DAZL: variants seen among roughly 807,000 people sequenced by gnomAD.
DAZL encodes the protein deleted in azoospermia-like.
Under a neutral mutation model 45.0 loss-of-function variants are expected in DAZL, and 4 were observed. That is an observed-to-expected ratio of 0.09 (90% CI 0.04 to 0.20). The LOEUF (loss-of-function observed/expected upper bound fraction) is 0.20. Ranked by LOEUF, DAZL falls within the 10% of genes least tolerant of loss-of-function variation. The pLI is 1.00. For missense variants in DAZL, 326 were observed against 351.3 expected (o/e 0.93, Z 0.58); for synonymous variants, 122 against 112.4 (o/e 1.09, Z -0.54).
At position 16,598,525 on chromosome 3, in the gene DAZL, G is replaced by C; in HGVS notation, c.77C>G (p.Thr26Ser). 2 of 1,606,848 alleles carry C rather than the reference G, an allele frequency of 1.2e-6. No individual in the cohort carries two copies. Among genetic ancestry groups the C allele is most frequent in the Non-Finnish European group, 1.7e-6 (2 of 1,179,202 alleles). The change falls in exon 2 of 11, where the codon ACC becomes AGC. Residue 26 changes from threonine to serine, a missense_variant. Physicochemically the swap from Thr to Ser is moderately conservative, Grantham distance 58 (BLOSUM62 1). Coordinates refer to ENST00000399444, the MANE Select transcript of DAZL (RefSeq NM_001351.4). ...TTCTGGTAAAATATAGCCTTGGCTG[G>C]TTGCAGCTGATGAGGACTGGGTGCT... ...EASTQSSSAA[T>S]SQGYILPEGK...
chr3:16,600,331 T>C (rs1694664650), intron 1 of DAZL, among the ~76,000 whole-genome samples: 1 of 152,250 alleles, frequency 6.6e-6, no homozygotes, highest in Admixed American at 6.5e-5. Flanking sequence ...ACAGCTTTAC[T>C]AGAGATGAAA....
At chr3:16,596,550 A>T (rs1462362167) in intron 6 of DAZL, among the ~76,000 whole-genome samples, 200 bp downstream of exon 6, 1 of 151,996 alleles carries the variant, frequency 6.6e-6, no homozygotes, top group African/African-American at 2.4e-5. Flanking sequence ...AGATAAAGAC[A>T]AAGTATACAG....
intron 1 of DAZL, among the ~76,000 whole-genome samples, chr3:16,601,223 T>C (rs1694684479): frequency 6.6e-6 from 1 of 152,144 alleles, no homozygotes; most frequent in Non-Finnish European, 1.5e-5. Context: ...TCTCATACCC[T>C]ATACAAGAGT....
At chr3:16,591,968 A>G in intron 10 of DAZL, 82 bp downstream of exon 10, 1 of 1,490,542 alleles carries the variant, frequency 6.7e-7, no homozygotes, top group African/African-American at 1.4e-5. Flanking sequence ...AGAAATCTCA[A>G]AATACATATA....
chr3:16,599,433 G>C (rs946141575), intron 1 of DAZL, among the ~76,000 whole-genome samples: 16 of 152,242 alleles, frequency 1.1e-4, no homozygotes, highest in African/African-American at 3.9e-4. Flanking sequence ...CGCTGTGTTA[G>C]TATGCCTGCT....
At chr3:16,604,322 C>A in intron 1 of DAZL, 1 of 929,792 alleles carries the variant, frequency 1.1e-6, no homozygotes, top group African/African-American at 1.7e-5. Context: ...AAAACGCACA[C>A]CCAACGCTAT....
intron 9 of DAZL, among the ~76,000 whole-genome samples, chr3:16,592,428 C>T (rs559380928): frequency 6.6e-6 from 1 of 151,952 alleles, no homozygotes; most frequent in South Asian, 2.1e-4. Flanking sequence ...ATCAGCTGGG[C>T]ATAGTGGCGG....
At chr3:16,604,811 TGAGTGG>T in intron 1 of DAZL, 1 of 1,154,170 alleles carries the variant, frequency 8.7e-7, no homozygotes, top group African/African-American at 1.7e-5. Flanking sequence ...CGGAGGCGCG[TGAGTGG>T]GGGAGCGCGT....
chr3:16,593,794 AT>A lies in DAZL; in HGVS notation c.622-27del, dbSNP rs765860181. Reference sequence around the variant, plus strand: ...CTATATTTAAAATAATGAAAGTGTAATTAAACAGATATACAGATATATTTAA... The same window carrying A: ...CTATATTTAAAATAATGAAAGTGTAATAAACAGATATACAGATATATTTAA... On this transcript the variant is annotated intron_variant, in intron 8 of 10. Coordinates refer to ENST00000399444, the MANE Select transcript of DAZL (RefSeq NM_001351.4). The A allele has an allele frequency of 3.5e-6, 5 of 1,432,598 alleles. No homozygotes were observed. In the African/African-American group the frequency reaches 5.6e-5, roughly 16 times the overall value. The allele number at this position is 1,432,598 out of a possible 1,614,324, so 88.7% of individuals were successfully genotyped here. A position where few individuals can be genotyped will look rare whatever the true frequency, so the allele number is the denominator to read the frequency against.
chr3:16,605,138 G>A lies in DAZL; in HGVS notation c.3+65C>T, dbSNP rs1454697273. The A allele has an allele frequency of 5.0e-6, 8 of 1,604,952 alleles. No individual in the cohort carries two copies. In the Admixed American group the frequency reaches 1.2e-4, roughly 23 times the overall value. ...TGACTTCACTTTCCGACCCTGCAGA[G>A]CCGAGTTTCACCCACGAGTGAAGAC... On this transcript the variant is annotated intron_variant, in intron 1 of 10. Coordinates refer to ENST00000399444, the MANE Select transcript of DAZL (RefSeq NM_001351.4).
intron 1 of DAZL, 91 bp from the exon 2 acceptor site, chr3:16,598,689 T>C (rs1694637494): frequency 7.7e-7 from 1 of 1,300,256 alleles, no homozygotes; most frequent in Admixed American, 2.6e-5. Flanking sequence ...AAGTATAAAA[T>C]ATTTTATATA....
chr3:16,597,192 C>A (rs149826501), intron 4 of DAZL, 141 bp from the exon 5 acceptor site: 2 of 1,131,304 alleles, frequency 1.8e-6, no homozygotes, highest in Non-Finnish European at 2.5e-6. Context: ...AATTTGTCAT[C>A]ATGAAGCTAC....
intron 9 of DAZL, among the ~76,000 whole-genome samples, chr3:16,592,354 TCAGGAATTCAAGAC>T (rs1315919046): frequency 2.6e-5 from 4 of 152,120 alleles, no homozygotes; most frequent in Non-Finnish European, 4.4e-5. Flanking sequence ...CCTCCTGAGG[TCAGGAATTCAAGAC>T]CAGCCTGGCC....
At chr3:16,604,513 C>G (rs1267831313) in intron 1 of DAZL, 2 of 1,513,478 alleles carry the variant, frequency 1.3e-6, no homozygotes, top group South Asian at 2.5e-5. Flanking sequence ...CAGCAAGTCC[C>G]CCGCAGCTGA....
At chr3:16,604,452 A>G (rs1327754741) in intron 1 of DAZL, 3 of 1,532,952 alleles carry the variant, frequency 2.0e-6, no homozygotes, top group Non-Finnish European at 2.6e-6. Context: ...CGTGCGGCAA[A>G]GATGGCGTCA....
intron 6 of DAZL, among the ~76,000 whole-genome samples, chr3:16,596,452 C>T (rs962476750): frequency 5.3e-5 from 8 of 151,806 alleles, no homozygotes; most frequent in African/African-American, 1.4e-4. Context: ...AGACACATAA[C>T]GATAGCTGCT....
chr3:16,590,270 G>A (rs1327519034), intron 10 of DAZL, among the ~76,000 whole-genome samples: 3 of 123,880 alleles, frequency 2.4e-5, no homozygotes, highest in African/African-American at 5.1e-5. Context: ...TTTACTCCCT[G>A]TTGCGAAGAT....
chr3:16,591,971 T>C (rs750561998), intron 10 of DAZL, 79 bp downstream of exon 10: 21 of 1,495,120 alleles, frequency 1.4e-5, no homozygotes, highest in Non-Finnish European at 2.0e-5. Context: ...AATCTCAAAA[T>C]ACATATACCA....
chr3:16,604,945 G>A (rs115152465), intron 1 of DAZL, among the ~76,000 whole-genome samples: 3,011 of 152,304 alleles, frequency 0.02, 104 homozygotes, highest in African/African-American at 0.068. Flanking sequence ...CTTGCACGTG[G>A]CCGGCGAGGC....
Sources: gnomAD v4.1 joint callset for allele counts (sites outside exome capture counted in the v4.1 genomes callset) on GRCh38, gnomAD v4.1.1 for gene constraint, MANE v1.5 for transcripts, NCBI Gene and HGNC (gene_info 2026-07-23, HGNC 2026-07-21) for gene names.